The following SLC31A1 variants were observed in gnomAD, a reference collection of about 807,000 sequenced individuals.
SLC31A1 encodes the protein high affinity copper uptake protein 1.
Under a neutral mutation model 17.2 loss-of-function variants are expected in SLC31A1, and 5 were observed. The observed-to-expected ratio is 0.29, with a 90% confidence interval of 0.15 to 0.61. The LOEUF is 0.61. Among genes scored for constraint, SLC31A1 ranks in the 20% least tolerant of loss-of-function variants. The pLI, the probability that SLC31A1 is intolerant of heterozygous loss-of-function variation, is 0.86. For synonymous variants in SLC31A1, 76 were observed against 78.8 expected (o/e 0.96, Z 0.19); for missense variants, 161 against 241.4 (o/e 0.67, Z 2.21).
chr9:113,252,581 C>T (rs1831667350), intron 1 of SLC31A1, among the ~76,000 whole-genome samples: 2 of 152,170 alleles, frequency 1.3e-5, no homozygotes, highest in Non-Finnish European at 2.9e-5. Context: ...AGCCACCGCA[C>T]CCAGCCTAGT....
intron 1 of SLC31A1, among the ~76,000 whole-genome samples, chr9:113,229,254 C>T (rs1831376316): frequency 6.6e-6 from 1 of 152,134 alleles, no homozygotes. Flanking sequence ...CACTTCTGAC[C>T]AGCTCTCCTT....
intron 1 of SLC31A1, among the ~76,000 whole-genome samples, chr9:113,224,528 A>C (rs924987387): frequency 1.3e-5 from 2 of 151,766 alleles, no homozygotes; most frequent in African/African-American, 4.8e-5. Context: ...TCCCGGGTTC[A>C]AGCGATTCTC....
At chr9:113,236,654 A>G (rs1831464218) in intron 1 of SLC31A1, among the ~76,000 whole-genome samples, 1 of 152,062 alleles carries the variant, frequency 6.6e-6, no homozygotes, top group Admixed American at 6.6e-5. Context: ...GAGCCACCAC[A>G]CCCGGCCCTC....
intron 2 of SLC31A1, 155 bp downstream of exon 2, chr9:113,256,432 A>G (rs1266025356): frequency 1.3e-6 from 1 of 777,164 alleles, no homozygotes; most frequent in Non-Finnish European, 2.0e-6. Flanking sequence ...CATTTGCTCC[A>G]GATTATGTGG....
In SLC31A1 at chr9:113,260,597, A is replaced by ACACC. The variant is rs1831782117; in HGVS notation, c.*127_*128insCCAC. The ACACC allele has an allele frequency of 4.1e-6, 3 of 737,350 alleles. No homozygotes were observed. The Admixed American group carries it at 6.0e-5, about 15-fold the overall frequency. The allele number at this position is 737,350 out of a possible 1,614,324, so 45.7% of individuals were successfully genotyped here. A position where few individuals can be genotyped will look rare whatever the true frequency, so the allele number is the denominator to read the frequency against. ...TGTGCACGTACACACACACACACAC[A>ACACC]CACACACACACACACCCCTGCTCAA... On this transcript the variant is annotated 3_prime_UTR_variant, in exon 5 of 5. Coordinates refer to ENST00000374212, the MANE Select transcript of SLC31A1 (RefSeq NM_001859.4).
At chr9:113,232,350 T>G (rs890401888) in intron 1 of SLC31A1, among the ~76,000 whole-genome samples, 1 of 152,110 alleles carries the variant, frequency 6.6e-6, no homozygotes, top group Non-Finnish European at 1.5e-5. Context: ...GAAGCATTAT[T>G]TATAGTCAGA....
rs747658732 is a variant in SLC31A1 at position 113,256,287 on chromosome 9, A to G, written c.129+10A>G. The G allele has an allele frequency of 1.2e-6, 2 of 1,613,946 alleles. No individual in the cohort carries two copies. The highest frequency in any genetic ancestry group is 1.7e-5 in the Admixed American group (1 of 60,004). On this transcript the variant is annotated intron_variant, in intron 2 of 4. Coordinates refer to ENST00000374212, the MANE Select transcript of SLC31A1 (RefSeq NM_001859.4). ...CAGCATGATGATGATGGTGAGTGCCATAGGAGGGGCAATGCAGGCCCTTTC... is the reference window on the plus strand; with the variant it reads ...CAGCATGATGATGATGGTGAGTGCCGTAGGAGGGGCAATGCAGGCCCTTTC...
At chr9:113,221,760 C>G (rs912577217) in intron 1 of SLC31A1, 82 bp downstream of exon 1, 1 of 190,542 alleles carries the variant, frequency 5.2e-6, no homozygotes, top group Admixed American at 5.5e-5. Context: ...CCTTCCTCGC[C>G]GCTTTCCTCA....
intron 1 of SLC31A1, among the ~76,000 whole-genome samples, chr9:113,238,981 A>AT (rs916325964): frequency 3.3e-5 from 5 of 152,080 alleles, no homozygotes; most frequent in African/African-American, 7.2e-5. Context: ...GTATTTATTG[A>AT]TTTTTTATTG....
At chr9:113,260,191 TG>T (rs1433643735) in intron 4 of SLC31A1, 80 bp from the exon 5 acceptor site, 2 of 1,233,254 alleles carry the variant, frequency 1.6e-6, no homozygotes, top group African/African-American at 3.0e-5. Context: ...GCTGAGCTCA[TG>T]GCAAGAACTC....
chr9:113,242,356 G>T (rs1489419656), intron 1 of SLC31A1, among the ~76,000 whole-genome samples: 6 of 152,196 alleles, frequency 3.9e-5, no homozygotes, highest in African/African-American at 1.4e-4. Flanking sequence ...GACTTGTTTG[G>T]CTGGAATACA....
At chr9:113,244,275 TA>T (rs1422257765) in intron 1 of SLC31A1, among the ~76,000 whole-genome samples, 1 of 151,684 alleles carries the variant, frequency 6.6e-6, no homozygotes, top group Non-Finnish European at 1.5e-5. Context: ...TGGCCACTCA[TA>T]AATGAAGGCA....
intron 1 of SLC31A1, among the ~76,000 whole-genome samples, chr9:113,222,533 A>G (rs1243095068): frequency 1.3e-5 from 2 of 152,220 alleles, no homozygotes; most frequent in Non-Finnish European, 2.9e-5. Context: ...TAGCGTCCAC[A>G]GACTCACTGG....
intron 1 of SLC31A1, among the ~76,000 whole-genome samples, 153 bp downstream of exon 1, chr9:113,221,831 C>A (rs1193493052): frequency 1.3e-5 from 2 of 152,208 alleles, no homozygotes; most frequent in East Asian, 3.8e-4. Context: ...TTCGGCCCGG[C>A]CCCTGCAGTG....
intron 1 of SLC31A1, among the ~76,000 whole-genome samples, chr9:113,252,606 A>G (rs1831667529): frequency 6.6e-6 from 1 of 152,148 alleles, no homozygotes; most frequent in Non-Finnish European, 1.5e-5. Flanking sequence ...CTTTTTTAAC[A>G]GTCCTCTACA....
chr9:113,260,165 T>A, intron 4 of SLC31A1, 107 bp from the exon 5 acceptor site: 1 of 904,934 alleles, frequency 1.1e-6, no homozygotes, highest in Admixed American at 1.7e-5. Context: ...GTTGCCAGAG[T>A]GGCTGTCCAG....
intron 1 of SLC31A1, among the ~76,000 whole-genome samples, chr9:113,229,989 T>C (rs941238292): frequency 3.3e-5 from 5 of 152,202 alleles, no homozygotes; most frequent in Non-Finnish European, 7.4e-5. Flanking sequence ...AAAAGGAGAC[T>C]GTCTCCCAAC....
At chr9:113,244,613 A>C (rs555189773) in intron 1 of SLC31A1, among the ~76,000 whole-genome samples, 6 of 152,364 alleles carry the variant, frequency 3.9e-5, no homozygotes, top group East Asian at 3.9e-4. Context: ...CTCAGCCCCA[A>C]CATTGCTATG....
chr9:113,259,319 G>T (rs1383331009), intron 4 of SLC31A1, among the ~76,000 whole-genome samples: 1 of 152,144 alleles, frequency 6.6e-6, no homozygotes, highest in Non-Finnish European at 1.5e-5. Flanking sequence ...TTTTCCCATA[G>T]ATTGGCAAAT....
Sources: allele counts gnomAD v4.1 joint callset (sites outside exome capture counted in the v4.1 genomes callset), GRCh38; gene constraint gnomAD v4.1.1; transcripts MANE v1.5; gene names NCBI Gene and HGNC (gene_info 2026-07-23, HGNC 2026-07-21).